Variants in ZSWIM5 observed in about 807,000 individuals in gnomAD.
The protein encoded by ZSWIM5 is zinc finger SWIM domain-containing protein 5.
A neutral mutation model predicts 119.6 loss-of-function variants in ZSWIM5; 55 were observed. That is an observed-to-expected ratio of 0.46 (90% CI 0.37 to 0.58). The LOEUF (loss-of-function observed/expected upper bound fraction) is 0.58, where lower values mean the gene tolerates loss of function less well. Ranked by LOEUF, ZSWIM5 falls within the 20% of genes least tolerant of loss-of-function variation. ZSWIM5 has a pLI of 0.00. For synonymous variants in ZSWIM5, 537 were observed against 606.9 expected (o/e 0.88, Z 1.69); for missense variants, 1,193 against 1,512.8 (o/e 0.79, Z 3.51).
intron 1 of ZSWIM5, among the ~76,000 whole-genome samples, chr1:45,200,998 G>A (rs775457890): frequency 6.6e-5 from 10 of 152,090 alleles, no homozygotes; most frequent in Non-Finnish European, 1.0e-4. Context: ...TGATTGAGAT[G>A]AGGTCATACT....
chr1:45,162,450 C>T (rs748255362), intron 1 of ZSWIM5, among the ~76,000 whole-genome samples: 13 of 152,176 alleles, frequency 8.5e-5, no homozygotes, highest in South Asian at 4.1e-4. Context: ...ACTGAGGTAC[C>T]GGGTTCATTT....
intron 1 of ZSWIM5, among the ~76,000 whole-genome samples, chr1:45,143,894 T>A (rs941792898): frequency 5.9e-5 from 9 of 151,548 alleles, no homozygotes; most frequent in African/African-American, 2.2e-4. Flanking sequence ...AAAACAATTA[T>A]AATAACTTCA....
intron 1 of ZSWIM5, among the ~76,000 whole-genome samples, chr1:45,107,685 A>G (rs1000823905): frequency 4.0e-5 from 6 of 151,544 alleles, no homozygotes; most frequent in African/African-American, 1.2e-4. Flanking sequence ...ATTTTCCCCC[A>G]ACAACTCTGT....
chr1:45,151,122 G>T (rs961577649), intron 1 of ZSWIM5, among the ~76,000 whole-genome samples: 2 of 152,054 alleles, frequency 1.3e-5, no homozygotes, highest in South Asian at 2.1e-4. Flanking sequence ...TGGACAATGA[G>T]ACAAATTCTC....
At chr1:45,073,963 T>C (rs1645240652) in intron 2 of ZSWIM5, among the ~76,000 whole-genome samples, 1 of 152,016 alleles carries the variant, frequency 6.6e-6, no homozygotes, top group African/African-American at 2.4e-5. Context: ...TTTTATCAAG[T>C]GCTTTTTCAG....
At chr1:45,133,985 C>G (rs1027714913) in intron 1 of ZSWIM5, among the ~76,000 whole-genome samples, 3 of 152,110 alleles carry the variant, frequency 2.0e-5, no homozygotes, top group Admixed American at 1.3e-4. Context: ...TGTTTTGGTA[C>G]CAGTACCATG....
intron 1 of ZSWIM5, among the ~76,000 whole-genome samples, chr1:45,168,286 G>A (rs570218312): frequency 6.6e-6 from 1 of 151,802 alleles, no homozygotes; most frequent in African/African-American, 2.4e-5. Flanking sequence ...AGAACACTTG[G>A]ACACAGGGTT....
intron 5 of ZSWIM5, among the ~76,000 whole-genome samples, chr1:45,044,398 G>A (rs1306808074): frequency 6.6e-6 from 1 of 151,610 alleles, no homozygotes; most frequent in African/African-American, 2.4e-5. Context: ...GACCAGTCTG[G>A]GGAATGTGGT....
At chr1:45,184,196 C>T (rs893973634) in intron 1 of ZSWIM5, among the ~76,000 whole-genome samples, 1 of 152,136 alleles carries the variant, frequency 6.6e-6, no homozygotes, top group African/African-American at 2.4e-5. Flanking sequence ...CAAAATTCAA[C>T]AACCCTTCAT....
intron 5 of ZSWIM5, among the ~76,000 whole-genome samples, chr1:45,048,061 CTT>C: frequency 8.4e-6 from 1 of 118,740 alleles, no homozygotes; most frequent in South Asian, 2.7e-4. Context: ...TTCTTTCTTT[CTT>C]TCTTTCCTTT....
intron 1 of ZSWIM5, among the ~76,000 whole-genome samples, chr1:45,193,083 A>G (rs1370063138): frequency 2.0e-5 from 3 of 152,144 alleles, no homozygotes; most frequent in African/African-American, 7.2e-5. Context: ...GTGGCTATTA[A>G]GATATCCACT....
rs1304872874 is a variant in ZSWIM5 at position 45,016,881 on chromosome 1, TAA to T, written c.*1571_*1572del. 1 of 152,306 alleles carries T rather than the reference TAA, an allele frequency of 6.6e-6. No individual in the cohort carries two copies. The highest frequency in any genetic ancestry group is 1.5e-5 in the Non-Finnish European group (1 of 68,100). The allele number at this position is 152,306 out of a possible 1,614,324, so 9.4% of individuals were successfully genotyped here. A position where few individuals can be genotyped will look rare whatever the true frequency, so the allele number is the denominator to read the frequency against. Reference sequence around the variant, plus strand: ...ATACACTATGGAGGTCAGCCAGGGCTAAGACAGGACTGCCCACTAGGGCTAGA... The same window carrying T: ...ATACACTATGGAGGTCAGCCAGGGCTGACAGGACTGCCCACTAGGGCTAGA... On this transcript the variant is annotated 3_prime_UTR_variant, in exon 14 of 14. Coordinates refer to ENST00000359600, the MANE Select transcript of ZSWIM5 (RefSeq NM_020883.2).
At chr1:45,073,642 T>C (rs962054719) in intron 2 of ZSWIM5, among the ~76,000 whole-genome samples, 1 of 151,894 alleles carries the variant, frequency 6.6e-6, no homozygotes. Context: ...GTGGAGTCTT[T>C]AGGTTTTTCC....
chr1:45,120,304 C>G (rs950931896), intron 1 of ZSWIM5, among the ~76,000 whole-genome samples: 5 of 152,188 alleles, frequency 3.3e-5, no homozygotes, highest in Admixed American at 3.3e-4. Context: ...CCACCACACT[C>G]CAGCCTGGGT....
chr1:45,142,619 GC>G (rs1424023761), intron 1 of ZSWIM5, among the ~76,000 whole-genome samples: 1 of 152,068 alleles, frequency 6.6e-6, no homozygotes, highest in Admixed American at 6.6e-5. Flanking sequence ...GAGCCATGGT[GC>G]CTGGCCAATA....
At chr1:45,034,548 C>T (rs1334207256) in intron 10 of ZSWIM5, 79 bp from the exon 11 acceptor site, 2 of 1,491,998 alleles carry the variant, frequency 1.3e-6, no homozygotes, top group African/African-American at 2.8e-5. Flanking sequence ...TTGCTCTTTG[C>T]TGGGGAGGAA....
In ZSWIM5 at chr1:45,205,754, A is replaced by G; in HGVS notation, c.595+2T>C. 1 of 1,563,794 alleles carries G rather than the reference A, an allele frequency of 6.4e-7. No homozygotes were observed. Among genetic ancestry groups the G allele is most frequent in the Non-Finnish European group, 8.6e-7 (1 of 1,159,888 alleles). On this transcript the variant is annotated splice_donor_variant, in intron 1 of 13. Coordinates refer to ENST00000359600, the MANE Select transcript of ZSWIM5 (RefSeq NM_020883.2). LOFTEE classifies it high-confidence loss of function. ...CCCGAGAACGCCTGGACGAGCACAT[A>G]CCGACTTGCAGCACGTTCTCCACGG...
At position 45,038,815 on chromosome 1, in the gene ZSWIM5, TG is replaced by T. The variant is rs796112926; in HGVS notation, c.1894+120del. 113 of 1,243,518 alleles carry T rather than the reference TG, an allele frequency of 9.1e-5. No homozygotes were observed. The African/African-American group carries it at 1.4e-3, about 15-fold the overall frequency. The allele number at this position is 1,243,518 out of a possible 1,614,324, so 77.0% of individuals were successfully genotyped here. On this transcript the variant is annotated intron_variant, in intron 8 of 13. Coordinates refer to ENST00000359600, the MANE Select transcript of ZSWIM5 (RefSeq NM_020883.2). ...TTTGCCATGTTGCCCAGGCTGGTCT[TG>T]AACTCTTGAACTCAAGTAATCCACC...
rs574024474 is a variant in ZSWIM5, at chr1:45,127,415, A to G, written c.596-39178T>C. 1.6e-4 allele frequency among the ~76,000 whole-genome samples: 24 copies of G among 152,164 alleles called. No individual in the cohort carries two copies. In the East Asian group the frequency reaches 3.9e-3, roughly 24 times the overall value. On this transcript the variant is annotated intron_variant, in intron 1 of 13. Transcript: ENST00000359600. ...AAGATTAAATGCTTTACGCTAAGATAGGGAACAAGGCAAGATTCTGCTCTC... is the reference window on the plus strand; with the variant it reads ...AAGATTAAATGCTTTACGCTAAGATGGGGAACAAGGCAAGATTCTGCTCTC...
Sources: gnomAD v4.1 joint callset for allele counts (sites outside exome capture counted in the v4.1 genomes callset) on GRCh38, gnomAD v4.1.1 for gene constraint, MANE v1.5 for transcripts, NCBI Gene and HGNC (gene_info 2026-07-23, HGNC 2026-07-21) for gene names.